Variants in XKR9 observed in about 807,000 individuals in gnomAD.
XKR9 encodes the protein XK related 9, also known as XK-related protein 9.
Under a neutral mutation model 32.0 loss-of-function variants are expected in XKR9, and 32 were observed. The observed-to-expected ratio is 1.00, with a 90% CI of 0.76 to 1.34. The LOEUF (loss-of-function observed/expected upper bound fraction) is 1.34, where lower values mean the gene tolerates loss of function less well. Among genes scored for constraint, XKR9 ranks in the 40% most tolerant of loss-of-function variants. The pLI, the probability that XKR9 is intolerant of heterozygous loss-of-function variation, is 0.00. For synonymous variants in XKR9, 168 were observed against 143.4 expected, an observed-to-expected ratio of 1.17 and a Z score of -1.22; for missense variants, 546 against 429.7, an observed-to-expected ratio of 1.27 and a Z score of -2.39.
chr8:70,886,355 G>T, the XKR9 span, among the ~76,000 whole-genome samples: 1 of 152,140 alleles, frequency 6.6e-6, no homozygotes, highest in East Asian at 1.9e-4. Context: ...AAACATACAT[G>T]TGCATGTGTC....
At chr8:70,946,816 A>T in the XKR9 span, among the ~76,000 whole-genome samples, 2 of 152,146 alleles carry the variant, frequency 1.3e-5, no homozygotes, top group African/African-American at 2.4e-5. Context: ...TGGGGAGGGG[A>T]TGAAATTCAC....
At chr8:70,959,553 T>C in the XKR9 span, among the ~76,000 whole-genome samples, 11 of 152,228 alleles carry the variant, frequency 7.2e-5, no homozygotes, top group Non-Finnish European at 1.3e-4. Flanking sequence ...TGGAGAATTT[T>C]CGTAAGTGTA....
chr8:70,932,268 G>A, the XKR9 span, among the ~76,000 whole-genome samples: 46 of 152,142 alleles, frequency 3.0e-4, no homozygotes, highest in African/African-American at 1.1e-3. Context: ...AATTAAATAA[G>A]GGCAGCAATG....
the XKR9 span, among the ~76,000 whole-genome samples, chr8:70,880,153 C>G: frequency 1.3e-5 from 2 of 151,922 alleles, no homozygotes; most frequent in Non-Finnish European, 2.9e-5. Context: ...TATGACACAC[C>G]CATAGTCAAT....
chr8:70,755,042 A>G (rs1410127950), intron 2 of XKR9, among the ~76,000 whole-genome samples: 1 of 152,200 alleles, frequency 6.6e-6, no homozygotes, highest in African/African-American at 2.4e-5. Flanking sequence ...TCCAGAATCT[A>G]CAATGAACTC....
At chr8:70,786,805 G>A (rs1807694690) in intron 2 of XKR9, among the ~76,000 whole-genome samples, 1 of 152,016 alleles carries the variant, frequency 6.6e-6, no homozygotes, top group South Asian at 2.1e-4. Flanking sequence ...CTGCCATTTT[G>A]TTAGTTACTT....
intron 2 of XKR9, among the ~76,000 whole-genome samples, chr8:70,677,436 C>T (rs1181048519): frequency 6.6e-6 from 1 of 152,220 alleles, no homozygotes; most frequent in Non-Finnish European, 1.5e-5. Flanking sequence ...GCGTGAGCTA[C>T]TGCACCTGGC....
At chr8:71,057,559 G>A in the XKR9 span, among the ~76,000 whole-genome samples, 1 of 152,088 alleles carries the variant, frequency 6.6e-6, no homozygotes, top group Non-Finnish European at 1.5e-5. Flanking sequence ...ATACTTAAAA[G>A]GTTATTGCCT....
At chr8:70,798,630 C>T in the XKR9 span, among the ~76,000 whole-genome samples, 2 of 152,068 alleles carry the variant, frequency 1.3e-5, no homozygotes, top group South Asian at 4.1e-4. Context: ...TTTGCCAGGA[C>T]CTATGTCTGG....
chr8:70,967,063 C>CCCTTTTT, the XKR9 span, among the ~76,000 whole-genome samples: 1 of 68,940 alleles, frequency 1.5e-5, no homozygotes, highest in Non-Finnish European at 3.5e-5. Flanking sequence ...TGGATCTTGA[C>CCCTTTTT]TCTTTTTTTT....
the XKR9 span, among the ~76,000 whole-genome samples, chr8:71,033,423 T>C: frequency 1.3e-3 from 199 of 152,336 alleles, no homozygotes; most frequent in Non-Finnish European, 2.4e-3. Flanking sequence ...ATAAATACTC[T>C]AGGAATTATT....
At chr8:70,920,579 G>A in the XKR9 span, among the ~76,000 whole-genome samples, 3 of 152,056 alleles carry the variant, frequency 2.0e-5, no homozygotes, top group Admixed American at 6.5e-5. Flanking sequence ...TACATCATAA[G>A]AAGTGCTTTG....
the XKR9 span, among the ~76,000 whole-genome samples, chr8:70,864,360 T>G: frequency 6.6e-6 from 1 of 152,186 alleles, no homozygotes; most frequent in Non-Finnish European, 1.5e-5. Flanking sequence ...TTTCCCACCA[T>G]GTGCCCAGAA....
the XKR9 span, among the ~76,000 whole-genome samples, chr8:70,998,284 A>G: frequency 1.2e-4 from 19 of 152,306 alleles, no homozygotes; most frequent in South Asian, 3.7e-3. Flanking sequence ...TTCATGAAGC[A>G]TGTCTCAATT....
At chr8:70,882,771 A>T in the XKR9 span, among the ~76,000 whole-genome samples, 3 of 152,096 alleles carry the variant, frequency 2.0e-5, no homozygotes, top group East Asian at 5.8e-4. Flanking sequence ...ATACTTTATT[A>T]TTAATAAACA....
chr8:70,816,935 A>G, the XKR9 span, among the ~76,000 whole-genome samples: 4 of 152,154 alleles, frequency 2.6e-5, no homozygotes, highest in East Asian at 1.9e-4. Context: ...TTAATGATAA[A>G]AACCCTCAAC....
chr8:70,755,636 A>T (rs1464654144), intron 2 of XKR9, among the ~76,000 whole-genome samples: 2 of 151,960 alleles, frequency 1.3e-5, no homozygotes, highest in African/African-American at 4.8e-5. Flanking sequence ...GGAAATCATC[A>T]TTCTCAGTAA....
At chr8:71,034,407 G>C in the XKR9 span, among the ~76,000 whole-genome samples, 2 of 152,200 alleles carry the variant, frequency 1.3e-5, no homozygotes, top group African/African-American at 4.8e-5. Flanking sequence ...GCCATGTGGA[G>C]CTGTGAGTCG....
chr8:71,030,909 T>C, the XKR9 span, among the ~76,000 whole-genome samples: 1 of 152,188 alleles, frequency 6.6e-6, no homozygotes, highest in Non-Finnish European at 1.5e-5. Flanking sequence ...TGTTATATAA[T>C]ACTAGCAATG....
Sources: gnomAD v4.1 joint callset for allele counts (sites outside exome capture counted in the v4.1 genomes callset) on GRCh38, gnomAD v4.1.1 for gene constraint, MANE v1.5 for transcripts, NCBI Gene and HGNC (gene_info 2026-07-23, HGNC 2026-07-21) for gene names.